GNL3: variants seen among roughly 807,000 people sequenced by gnomAD.
GNL3 encodes guanine nucleotide-binding protein-like 3.
GNL3 carries 77 observed loss-of-function variants against 70.6 expected under a neutral mutation model. The observed-to-expected ratio is 1.09, with a 90% CI of 0.91 to 1.32. The LOEUF (loss-of-function observed/expected upper bound fraction) is 1.32. Among genes scored for constraint, GNL3 ranks in the 40% most tolerant of loss-of-function variants. The pLI is 0.00. For missense variants in GNL3, 634 were observed against 644.0 expected, an observed-to-expected ratio of 0.98 and a Z score of 0.17; for synonymous variants, 252 against 216.1, an observed-to-expected ratio of 1.17 and a Z score of -1.46.
In GNL3 at chr3:52,693,414, A is replaced by C. The variant is rs771308285; in HGVS notation, c.1194A>C (p.Ser398=). 5 of 1,614,144 alleles carry C rather than the reference A, an allele frequency of 3.1e-6. No individual in the cohort carries two copies. Among genetic ancestry groups the C allele is most frequent in the Middle Eastern group, 1.6e-4 (1 of 6,062 alleles). ...ATCTTATTTTTAATATCAGTGCCTC[A>C]TTAGCTTACTATTGCCATCCCCCTA... ...KLLWSEWTGA[S]LAYYCHPPTS... is the part of the protein sequence containing the mutation. Residue 398 remains serine (S), a synonymous_variant, in exon 12 of 15, where the codon TCA becomes TCC. Coordinates refer to ENST00000418458, the MANE Select transcript of GNL3 (RefSeq NM_014366.5).
Position 52,686,752 on chromosome 3 carries a change from G to A in GNL3, c.14-17G>A. ...TAATCATTTGGGTTAACAGATTTGT[G>A]ATGTGTTTCTTTGTAGAGTTAAAGA... On this transcript the variant is annotated splice_polypyrimidine_tract_variant and intron_variant, in intron 1 of 14. Transcript: ENST00000418458. 2 of 1,589,482 alleles carry A rather than the reference G, an allele frequency of 1.3e-6. No homozygotes were observed.
Position 52,694,120 on chromosome 3 carries a change from G to T in GNL3, c.1567+17G>T. ...CTACAGCAGGTGAGGCAGGCAAAAG[G>T]GGTTCTAACGAAGCAGCATGGTATA... On this transcript the variant is annotated intron_variant, in intron 14 of 14. Coordinates refer to ENST00000418458, the MANE Select transcript of GNL3 (RefSeq NM_014366.5). 6.2e-7 allele frequency: 1 copy of T among 1,602,994 alleles called. No individual in the cohort carries two copies. The highest frequency in any genetic ancestry group is 8.5e-7 in the Non-Finnish European group (1 of 1,169,816).
intron 9 of GNL3, 73 bp downstream of exon 9, chr3:52,691,702 ATTTTTTTTT>A (rs34449110): frequency 5.4e-6 from 3 of 559,306 alleles, no homozygotes; most frequent in African/African-American, 4.6e-5. Flanking sequence ...AAGGAAGGTG[ATTTTTTTTT>A]TTTTTTTTTT....
rs1363207178 is a variant in GNL3, at chr3:52,694,109, G to T, written c.1567+6G>T. On this transcript the variant is annotated splice_donor_region_variant and intron_variant, in intron 14 of 14. Transcript: ENST00000418458. Reference sequence around the variant, plus strand: ...GTCTGAGGAGACTACAGCAGGTGAGGCAGGCAAAAGGGGTTCTAACGAAGC... The same window carrying T: ...GTCTGAGGAGACTACAGCAGGTGAGTCAGGCAAAAGGGGTTCTAACGAAGC... 6.2e-7 allele frequency: 1 copy of T among 1,609,142 alleles called. No individual in the cohort carries two copies. The highest frequency in any genetic ancestry group is 8.5e-7 in the Non-Finnish European group (1 of 1,175,392).
chr3:52,693,610 A>G (rs964392337), intron 12 of GNL3, 22 bp from the exon 13 acceptor site: 1 of 1,613,938 alleles, frequency 6.2e-7, no homozygotes, highest in Non-Finnish European at 8.5e-7. Flanking sequence ...ACCTGTTTAC[A>G]TGGGCTTGCT....
In GNL3 at chr3:52,693,729, A is replaced by G. The variant is rs1561259415; in HGVS notation, c.1422A>G (p.Pro474=). The G allele has an allele frequency of 6.2e-7, 1 of 1,613,936 alleles. No homozygotes were observed. Among genetic ancestry groups the G allele is most frequent in the Non-Finnish European group, 8.5e-7 (1 of 1,179,976 alleles). ...AAAAGGACATACATGAAGAATTGCC[A>G]AAACGGAAAGAAAGGAAGCAGGAGG... ...IEEKDIHEEL[P]KRKERKQEER... is the part of the protein sequence containing the mutation. Residue 474 remains proline (P), a synonymous_variant, in exon 13 of 15, where the codon CCA becomes CCG. Coordinates refer to ENST00000418458, the MANE Select transcript of GNL3 (RefSeq NM_014366.5).
chr3:52,688,732 A>G, intron 5 of GNL3: 1 of 323,210 alleles, frequency 3.1e-6, no homozygotes, highest in South Asian at 3.0e-5. Flanking sequence ...TCCCCCATGG[A>G]TAGAACCTGA....
In GNL3 at chr3:52,694,139, T is replaced by G. The variant is rs771074185; in HGVS notation, c.1567+36T>G. The G allele has an allele frequency of 1.2e-5, 19 of 1,591,484 alleles. No homozygotes were observed. In the South Asian group the frequency reaches 2.1e-4, roughly 18 times the overall value. On this transcript the variant is annotated intron_variant, in intron 14 of 14. Transcript: ENST00000418458. Reference sequence around the variant, plus strand: ...CAAAAGGGGTTCTAACGAAGCAGCATGGTATAGAATCACTTTTACTTTTTG... The same window carrying G: ...CAAAAGGGGTTCTAACGAAGCAGCAGGGTATAGAATCACTTTTACTTTTTG...
At chr3:52,689,741 C>A (rs574803528) in intron 6 of GNL3, among the ~76,000 whole-genome samples, 133 of 152,098 alleles carry the variant, frequency 8.7e-4, no homozygotes, top group Admixed American at 2.3e-3. Flanking sequence ...TCACTTGAGG[C>A]CAGGAGTTCG....
rs762894341 is a variant in GNL3, at chr3:52,686,057, C to A, written c.-36C>A. The A allele has an allele frequency of 1.0e-6, 1 of 954,996 alleles. No homozygotes were observed. Among genetic ancestry groups the A allele is most frequent in the South Asian group, 1.3e-5 (1 of 77,982 alleles). The allele number at this position is 954,996 out of a possible 1,614,324, so 59.2% of individuals were successfully genotyped here. On this transcript the variant is annotated 5_prime_UTR_variant, in exon 1 of 15. Coordinates refer to ENST00000418458, the MANE Select transcript of GNL3 (RefSeq NM_014366.5). ...AGTTCACACGTGGCGCCAGCGGAGG[C>A]AGGTTGATGTGTTTGTGCTTCCTTC...
In GNL3 at chr3:52,692,862, C is replaced by T. The variant is rs2097328692; in HGVS notation, c.870-10C>T. 4 of 1,608,386 alleles carry T rather than the reference C, an allele frequency of 2.5e-6. No individual in the cohort carries two copies. The highest frequency in any genetic ancestry group is 8.5e-7 in the Non-Finnish European group (1 of 1,176,568). On this transcript the variant is annotated splice_polypyrimidine_tract_variant and intron_variant, in intron 9 of 14. Coordinates refer to ENST00000418458, the MANE Select transcript of GNL3 (RefSeq NM_014366.5). ...CAATGCCCCCATCAATTCCATCGCT[C>T]TTCTTTCAGGAGCATGCAAGTTGTC...
In GNL3 at chr3:52,693,329, G is replaced by A. The variant is rs990213376; in HGVS notation, c.1187G>A (p.Gly396Asp). 11 of 1,613,690 alleles carry A rather than the reference G, an allele frequency of 6.8e-6. No individual in the cohort carries two copies. The highest frequency in any genetic ancestry group is 8.5e-6 in the Non-Finnish European group (10 of 1,179,918). Residue 396 changes from glycine to aspartate, a missense_variant and splice_region_variant, in exon 11 of 15, where the codon GGT (glycine) becomes GAT (aspartate). Coordinates refer to ENST00000418458, the MANE Select transcript of GNL3 (RefSeq NM_014366.5). ...AAKLLWSEWTGASLAYYCHPP... is the reference protein window; with the variant it reads ...AAKLLWSEWTDASLAYYCHPP... ...AAACTGCTGTGGTCTGAGTGGACAGGGTAAGCTTTCTTTTCTGTTGGCATT... is the reference window on the plus strand; with the variant it reads ...AAACTGCTGTGGTCTGAGTGGACAGAGTAAGCTTTCTTTTCTGTTGGCATT...
chr3:52,688,650 A>AGTGAAGGAGGACAACTTG, intron 5 of GNL3, among the ~76,000 whole-genome samples: 1 of 152,320 alleles, frequency 6.6e-6, no homozygotes, highest in Non-Finnish European at 1.5e-5. Flanking sequence ...TTGAAACCTA[A>AGTGAAGGAGGACAACTTG]GTGAAGGAGG....
At position 52,690,553 on chromosome 3, in the gene GNL3, G is replaced by A. The variant is rs200088226; in HGVS notation, c.542-39G>A. The A allele has an allele frequency of 6.5e-5, 78 of 1,191,902 alleles. No individual in the cohort carries two copies. In the East Asian group the frequency reaches 1.2e-3, roughly 18 times the overall value. 73.8% of individuals were successfully genotyped at this position (1,191,902 alleles called of 1,614,324 possible). ...GCTGGGATTACAGGCGTGAGCCACC[G>A]TGCCTGGCCGCAAATGTCTTATTTC... On this transcript the variant is annotated intron_variant, in intron 6 of 14. Coordinates refer to ENST00000418458, the MANE Select transcript of GNL3 (RefSeq NM_014366.5).
chr3:52,688,782 T>C, intron 5 of GNL3: 1 of 383,282 alleles, frequency 2.6e-6, no homozygotes, highest in Non-Finnish European at 4.8e-6. Context: ...GAAGGACCTA[T>C]CAAACTATAT....
chr3:52,689,884 G>A (rs897236450), intron 6 of GNL3, among the ~76,000 whole-genome samples: 4 of 152,250 alleles, frequency 2.6e-5, no homozygotes, highest in East Asian at 3.9e-4. Flanking sequence ...CCCGGGAGGC[G>A]GAGGTTGCAG....
At position 52,686,816 on chromosome 3, in the gene GNL3, A is replaced by T. The variant is rs771256279; in HGVS notation, c.61A>T (p.Ile21Phe). 6 of 1,611,340 alleles carry T rather than the reference A, an allele frequency of 3.7e-6. No homozygotes were observed. The highest frequency in any genetic ancestry group is 8.5e-7 in the Non-Finnish European group (1 of 1,177,544). The part of the protein sequence containing the change: ...KRMTCHKRYK[I>F]QKKVREHHRK... ...CATGACCTGCCATAAGCGGTATAAA[A>T]TCCAAAAAAAGGTAAGTGTAGTGCT... Residue 21 changes from isoleucine to phenylalanine, a missense_variant, in exon 2 of 15, where the codon ATC becomes TTC. Coordinates refer to ENST00000418458, the MANE Select transcript of GNL3 (RefSeq NM_014366.5).
rs1285798503 is a variant in GNL3, at chr3:52,693,319, G to C, written c.1177G>C (p.Glu393Gln). The C allele has an allele frequency of 6.2e-7, 1 of 1,614,150 alleles. No homozygotes were observed. The highest frequency in any genetic ancestry group is 1.3e-5 in the African/African-American group (1 of 75,034). Reference protein sequence around the residue: ...VEGAAKLLWSEWTGASLAYYC... With the variant: ...VEGAAKLLWSQWTGASLAYYC... ...AGGTGCTGCCAAACTGCTGTGGTCT[G>C]AGTGGACAGGGTAAGCTTTCTTTTC... Residue 393 changes from glutamate (E) to glutamine (Q), a missense_variant, in exon 11 of 15, where the codon GAG (glutamate) becomes CAG (glutamine). By Grantham distance (29) the Glu-to-Gln change is conservative. Coordinates refer to ENST00000418458, the MANE Select transcript of GNL3 (RefSeq NM_014366.5).
chr3:52,687,146 A>G, intron 2 of GNL3, 100 bp from the exon 3 acceptor site: 3 of 952,152 alleles, frequency 3.2e-6, no homozygotes, highest in Non-Finnish European at 4.9e-6. Flanking sequence ...AGGACATTTT[A>G]TAGGCATAAC....
Sources: allele counts gnomAD v4.1 joint callset (sites outside exome capture counted in the v4.1 genomes callset), GRCh38; gene constraint gnomAD v4.1.1; transcripts MANE v1.5; gene names NCBI Gene and HGNC (gene_info 2026-07-23, HGNC 2026-07-21).